XYLB: variants seen among roughly 807,000 people sequenced by gnomAD.
XYLB encodes the protein xylulokinase, also known as xylulose kinase.
Under a neutral mutation model 78.7 loss-of-function variants are expected in XYLB, and 62 were observed. That is an observed-to-expected ratio of 0.79 (90% CI 0.64 to 0.97). XYLB has a LOEUF of 0.97. Ranked by LOEUF, XYLB falls within the 50% of genes least tolerant of loss-of-function variation. The pLI, the probability that XYLB is intolerant of heterozygous loss-of-function variation, is 0.00. For missense variants in XYLB, 687 were observed against 676.8 expected (o/e 1.02, Z -0.17); for synonymous variants, 245 against 247.4 (o/e 0.99, Z 0.09).
At chr3:38,372,816 C>T in intron 10 of XYLB, 80 bp downstream of exon 10, 1 of 1,482,366 alleles carries the variant, frequency 6.7e-7, no homozygotes, top group South Asian at 1.1e-5. Flanking sequence ...AGTCCAGCCT[C>T]TTGGTGAAAC....
At chr3:38,363,652 G>T (rs539835912) in intron 4 of XYLB, among the ~76,000 whole-genome samples, 7 of 152,330 alleles carry the variant, frequency 4.6e-5, no homozygotes, top group African/African-American at 1.7e-4. Context: ...ATTCTCATCT[G>T]TCATAGGGTC....
At chr3:38,372,424 C>G in intron 9 of XYLB, 1 of 985,266 alleles carries the variant, frequency 1.0e-6, no homozygotes, top group African/African-American at 1.7e-5. Flanking sequence ...TTGAAATGAC[C>G]TCATGCTCGT....
intron 15 of XYLB, 127 bp downstream of exon 15, chr3:38,379,469 G>T: frequency 1.1e-6 from 1 of 875,412 alleles, no homozygotes; most frequent in Non-Finnish European, 1.8e-6. Context: ...CAGGAGGGAG[G>T]TGGAGCCTGA....
chr3:38,401,045 T>C (rs753884062), intron 18 of XYLB, 60 bp downstream of exon 18: 3 of 1,487,344 alleles, frequency 2.0e-6, no homozygotes, highest in Non-Finnish European at 2.8e-6. Context: ...CTAGGGTTTT[T>C]TCCCCCACCA....
the XYLB span, among the ~76,000 whole-genome samples, chr3:38,437,067 A>G: frequency 6.7e-6 from 1 of 150,048 alleles, no homozygotes; most frequent in South Asian, 2.1e-4. Flanking sequence ...AAAAAACCCC[A>G]CCATAATCAA....
At chr3:38,358,306 G>GT (rs1245861848) in intron 2 of XYLB, among the ~76,000 whole-genome samples, 2 of 96,750 alleles carry the variant, frequency 2.1e-5, no homozygotes, top group Admixed American at 1.2e-4. Flanking sequence ...TGCCAGTTTT[G>GT]TTTTGTGTGT....
Position 38,414,061 on chromosome 3 carries a change from C to G in XYLB, c.*1048C>G, listed in dbSNP as rs1708706951. ...CTTGCTCAAATTATTGCAAAAGCCTCTATAGAAAGTCCTCTGTGATCTGAC... is the reference window on the plus strand; with the variant it reads ...CTTGCTCAAATTATTGCAAAAGCCTGTATAGAAAGTCCTCTGTGATCTGAC... On this transcript the variant is annotated 3_prime_UTR_variant, in exon 19 of 19. Coordinates refer to ENST00000207870, the MANE Select transcript of XYLB (RefSeq NM_005108.4). The G allele has an allele frequency of 6.6e-6, 1 of 152,140 alleles. No homozygotes were observed. The highest frequency in any genetic ancestry group is 1.5e-5 in the Non-Finnish European group (1 of 68,040). 9.4% of individuals were successfully genotyped at this position (152,140 alleles called of 1,614,324 possible).
the XYLB span, among the ~76,000 whole-genome samples, chr3:38,447,025 CA>C: frequency 2.0e-5 from 3 of 152,152 alleles, no homozygotes; most frequent in Non-Finnish European, 4.4e-5. Context: ...ATTAATCCAA[CA>C]GGGGACTAAT....
Position 38,413,593 on chromosome 3 carries a change from A to G in XYLB, c.*580A>G, listed in dbSNP as rs1051550343. On this transcript the variant is annotated 3_prime_UTR_variant, in exon 19 of 19. Transcript: ENST00000207870. ...TCGCAGGGCCTCTCTTACTTGCCCC[A>G]TGCTCACCCTTTCCATGCTGTCCCC... 6.6e-6 allele frequency: 1 copy of G among 151,456 alleles called. No homozygotes were observed. The highest frequency in any genetic ancestry group is 1.5e-5 in the Non-Finnish European group (1 of 68,100). The allele number at this position is 151,456 out of a possible 1,614,324, so 9.4% of individuals were successfully genotyped here.
chr3:38,369,177 G>T (rs1001574302), intron 8 of XYLB, among the ~76,000 whole-genome samples: 1 of 152,146 alleles, frequency 6.6e-6, no homozygotes, highest in South Asian at 2.1e-4. Flanking sequence ...TGTATGCCAG[G>T]CTTTATTCTG....
intron 18 of XYLB, among the ~76,000 whole-genome samples, chr3:38,401,934 G>A (rs975745375): frequency 2.6e-5 from 4 of 152,166 alleles, no homozygotes; most frequent in Admixed American, 6.5e-5. Context: ...TGACTTGCAA[G>A]CTAACAAGTG....
At chr3:38,422,570 G>A (rs1428108717), downstream of XYLB, among the ~76,000 whole-genome samples, 2 of 152,104 alleles carry the variant, frequency 1.3e-5, no homozygotes, top group Non-Finnish European at 2.9e-5. Flanking sequence ...TAACATAGTT[G>A]GAGTTGGTAA....
rs760502861 is a variant in XYLB at position 38,348,612 on chromosome 3, CAG to C, written c.124_125del (p.Asp42SerfsTer127). On this transcript the variant is annotated frameshift_variant, in exon 2 of 19. Coordinates refer to ENST00000207870, the MANE Select transcript of XYLB (RefSeq NM_005108.4). LOFTEE classifies it high-confidence loss of function. Reference sequence around the variant, plus strand: ...TCTATGAGGAAAGTGTGCATTTTGACAGAGATCTTCCAGAATTTGGGTATGTA... The same window carrying C: ...TCTATGAGGAAAGTGTGCATTTTGACAGATCTTCCAGAATTTGGGTATGTA... ...VFYEESVHFD[R>X]DLPEFGTQGG... 3.1e-6 allele frequency: 5 copies of C among 1,614,042 alleles called. No individual in the cohort carries two copies. Among genetic ancestry groups the C allele is most frequent in the Non-Finnish European group, 4.2e-6 (5 of 1,180,032 alleles).
chr3:38,390,803 A>G (rs186924411), intron 15 of XYLB, among the ~76,000 whole-genome samples: 1 of 152,348 alleles, frequency 6.6e-6, no homozygotes, highest in East Asian at 1.9e-4. Flanking sequence ...ATTAGTAGGC[A>G]TAAGCCACTA....
the XYLB span, among the ~76,000 whole-genome samples, chr3:38,449,411 A>G: frequency 6.6e-6 from 1 of 152,228 alleles, no homozygotes; most frequent in East Asian, 1.9e-4. Context: ...GTGAGCCACC[A>G]TGCCCAGCCT....
At chr3:38,369,705 C>G (rs1289132695) in intron 8 of XYLB, among the ~76,000 whole-genome samples, 2 of 152,170 alleles carry the variant, frequency 1.3e-5, no homozygotes, top group Non-Finnish European at 2.9e-5. Context: ...TGAGAAATCC[C>G]TGGGAGCTGA....
At chr3:38,363,452 A>ATACG (rs60112977) in intron 4 of XYLB, among the ~76,000 whole-genome samples, 1 of 151,990 alleles carries the variant, frequency 6.6e-6, no homozygotes, top group Non-Finnish European at 1.5e-5. Flanking sequence ...TTGACTGAGC[A>ATACG]CTTAGTGCAT....
At chr3:38,437,941 G>A in the XYLB span, among the ~76,000 whole-genome samples, 1 of 152,152 alleles carries the variant, frequency 6.6e-6, no homozygotes, top group African/African-American at 2.4e-5. Context: ...GTGGTGGTGT[G>A]CACCTGTAGT....
In XYLB at chr3:38,413,341, A is replaced by G. The variant is rs148743713; in HGVS notation, c.*328A>G. The stretch of plus-strand genomic sequence containing the variant: ...CCTTGCAGAGGCAGAATTAAAGCTA[A>G]TCTAGGGACTCAAATCAGCAGAATG... On this transcript the variant is annotated 3_prime_UTR_variant, in exon 19 of 19. Transcript: ENST00000207870. The G allele has an allele frequency of 1.4e-3, 332 of 243,366 alleles. 1 individual carries two copies. Among genetic ancestry groups the G allele is most frequent in the African/African-American group, 6.6e-3 (293 of 44,560 alleles). 15.1% of individuals were successfully genotyped at this position (243,366 alleles called of 1,614,324 possible). A position where few individuals can be genotyped will look rare whatever the true frequency, so the allele number is the denominator to read the frequency against.
Sources: allele counts gnomAD v4.1 joint callset (sites outside exome capture counted in the v4.1 genomes callset), GRCh38; gene constraint gnomAD v4.1.1; transcripts MANE v1.5; gene names NCBI Gene and HGNC (gene_info 2026-07-23, HGNC 2026-07-21).